PHACTR1: variants seen among roughly 807,000 people sequenced by gnomAD.
The protein encoded by PHACTR1 is phosphatase and actin regulator 1, also known as RPEL repeat containing 1.
PHACTR1 carries 16 observed loss-of-function variants against 69.2 expected under a neutral mutation model. That is an observed-to-expected ratio of 0.23 (90% CI 0.16 to 0.35). PHACTR1 has a LOEUF of 0.35. PHACTR1 is among the 10% of genes least tolerant of loss of function. The pLI is 1.00. For synonymous variants in PHACTR1, 312 were observed against 284.5 expected (o/e 1.10, Z -0.97); for missense variants, 510 against 734.7 (o/e 0.69, Z 3.54).
At chr6:13,065,009 C>T (rs1808411805) in intron 5 of PHACTR1, among the ~76,000 whole-genome samples, 1 of 151,982 alleles carries the variant, frequency 6.6e-6, no homozygotes, top group Non-Finnish European at 1.5e-5. Flanking sequence ...TTAACTTTTC[C>T]TCCACATTGT....
intron 5 of PHACTR1, among the ~76,000 whole-genome samples, chr6:13,159,145 C>A (rs1239138472): frequency 6.6e-6 from 1 of 152,216 alleles, no homozygotes; most frequent in Non-Finnish European, 1.5e-5. Flanking sequence ...GTTACCTCTT[C>A]CTTCCTCCAG....
At chr6:13,267,646 C>T (rs1776949957) in intron 10 of PHACTR1, 1 of 152,156 alleles carries the variant, frequency 6.6e-6, no homozygotes, top group Non-Finnish European at 1.5e-5. Flanking sequence ...TTACCTTGCA[C>T]ATTGTAATCA....
intron 4 of PHACTR1, among the ~76,000 whole-genome samples, chr6:12,903,698 T>A (rs886476629): frequency 7.2e-5 from 11 of 152,244 alleles, no homozygotes; most frequent in African/African-American, 2.7e-4. Flanking sequence ...GTAATAAATA[T>A]GTCTATGCCC....
intron 5 of PHACTR1, among the ~76,000 whole-genome samples, chr6:13,094,782 A>ATC (rs1491005807): frequency 6.6e-6 from 1 of 151,914 alleles, no homozygotes; most frequent in African/African-American, 2.4e-5. Flanking sequence ...CTATATATAT[A>ATC]TTACACTAAT....
intron 5 of PHACTR1, among the ~76,000 whole-genome samples, chr6:13,125,189 G>A (rs1163581680): frequency 6.6e-6 from 1 of 152,254 alleles, no homozygotes; most frequent in Non-Finnish European, 1.5e-5. Flanking sequence ...GAGGAGTGGA[G>A]AAGCCAGGGA....
At chr6:13,171,428 G>T (rs188923303) in intron 6 of PHACTR1, among the ~76,000 whole-genome samples, 21 of 152,326 alleles carry the variant, frequency 1.4e-4, no homozygotes, top group African/African-American at 4.6e-4. Context: ...TAACCTCTCT[G>T]TTCCAGAAAT....
At chr6:13,217,432 A>G (rs1174638016) in intron 8 of PHACTR1, among the ~76,000 whole-genome samples, 1 of 152,222 alleles carries the variant, frequency 6.6e-6, no homozygotes, top group Non-Finnish European at 1.5e-5. Context: ...CAAGTAGAAA[A>G]GCCACCACTG....
chr6:12,921,823 A>AG (rs1787747290), intron 4 of PHACTR1, among the ~76,000 whole-genome samples: 1 of 3,656 alleles, frequency 2.7e-4, no homozygotes, highest in African/African-American at 5.9e-4. Flanking sequence ...AGCAAGGGGG[A>AG]AGGAAGGAAG....
At chr6:12,916,773 T>C (rs1357052481) in intron 4 of PHACTR1, among the ~76,000 whole-genome samples, 2 of 152,216 alleles carry the variant, frequency 1.3e-5, no homozygotes, top group Non-Finnish European at 2.9e-5. Context: ...TCTTCCAATA[T>C]GTGCACCCTT....
chr6:13,076,588 C>T (rs1267208028), intron 5 of PHACTR1, among the ~76,000 whole-genome samples: 1 of 152,014 alleles, frequency 6.6e-6, no homozygotes, highest in Non-Finnish European at 1.5e-5. Context: ...AGAATTAGGC[C>T]CTTGGTTACA....
chr6:13,220,941 C>T (rs780517945), intron 8 of PHACTR1, among the ~76,000 whole-genome samples: 5 of 152,020 alleles, frequency 3.3e-5, no homozygotes, highest in Admixed American at 1.3e-4. Context: ...AGTTAATTGG[C>T]GTGGGGGGTA....
In PHACTR1 at chr6:13,275,535, G is replaced by A. The variant is rs772006102; in HGVS notation, c.1447+2620G>A. 1 of 152,100 alleles carries A rather than the reference G, an allele frequency of 6.6e-6. No individual in the cohort carries two copies. Among genetic ancestry groups the A allele is most frequent in the African/African-American group, 2.4e-5 (1 of 41,406 alleles). The allele number at this position is 152,100 out of a possible 1,614,324, so 9.4% of individuals were successfully genotyped here. ...TGTGTCACAGGATGCCCGCCTTCACGGCTCTGAAGGGACCTGTAGGATCAG... is the reference window on the plus strand; with the variant it reads ...TGTGTCACAGGATGCCCGCCTTCACAGCTCTGAAGGGACCTGTAGGATCAG... On this transcript the variant is annotated intron_variant, in intron 11 of 14. Transcript: ENST00000332995. This position sits in a 1 kb window ranked among gnomAD's most constrained non-coding sequence, Gnocchi z 4.0.
chr6:13,135,107 T>C (rs1821345525), intron 5 of PHACTR1, among the ~76,000 whole-genome samples: 1 of 152,230 alleles, frequency 6.6e-6, no homozygotes, highest in Non-Finnish European at 1.5e-5. Flanking sequence ...GACTGCGTTT[T>C]ATTGGAAATT....
At position 12,887,773 on chromosome 6, in the gene PHACTR1, A is replaced by G. The variant is rs1222847241; in HGVS notation, c.250+137983A>G. ...AGTTATGGGTTGAAACTTAATCTCT[A>G]TCATAGTAGTATTGGCCAGGCACGG... On this transcript the variant is annotated intron_variant, in intron 4 of 14. Coordinates refer to ENST00000332995, the MANE Select transcript of PHACTR1 (RefSeq NM_030948.6). Among the ~76,000 whole-genome samples the G allele has an allele frequency of 3.9e-5, 6 of 152,076 alleles. No individual in the cohort carries two copies. In the East Asian group the frequency reaches 1.2e-3, roughly 29 times the overall value.
At chr6:12,870,147 C>G (rs1781884023) in intron 4 of PHACTR1, among the ~76,000 whole-genome samples, 2 of 151,982 alleles carry the variant, frequency 1.3e-5, no homozygotes, top group Non-Finnish European at 2.9e-5. Context: ...TCCAATGCTT[C>G]CCCTGTATCA....
intron 5 of PHACTR1, among the ~76,000 whole-genome samples, chr6:13,090,840 T>A (rs1049432669): frequency 3.3e-5 from 5 of 152,204 alleles, no homozygotes; most frequent in African/African-American, 1.2e-4. Flanking sequence ...AAGACAACAT[T>A]TCTGCAGACT....
At chr6:12,836,776 A>G (rs1444648834) in intron 4 of PHACTR1, among the ~76,000 whole-genome samples, 1 of 152,172 alleles carries the variant, frequency 6.6e-6, no homozygotes, top group Non-Finnish European at 1.5e-5. Flanking sequence ...TTCCATAGAT[A>G]ACAACCTGAA....
At chr6:13,228,308 C>T (rs2127316368) in intron 9 of PHACTR1, among the ~76,000 whole-genome samples, 1 of 152,296 alleles carries the variant, frequency 6.6e-6, no homozygotes, top group Non-Finnish European at 1.5e-5. Flanking sequence ...ATTACTGCCA[C>T]CTCCTACCTC....
At chr6:13,203,262 G>A (rs994817889) in intron 7 of PHACTR1, among the ~76,000 whole-genome samples, 1 of 152,170 alleles carries the variant, frequency 6.6e-6, no homozygotes, top group African/African-American at 2.4e-5. Flanking sequence ...TGAACAAGAT[G>A]CTGAGGTTTG....
Sources: allele counts gnomAD v4.1 joint callset (sites outside exome capture counted in the v4.1 genomes callset), GRCh38; gene constraint gnomAD v4.1.1; non-coding constraint Gnocchi (gnomAD v3.1); transcripts MANE v1.5; gene names NCBI Gene and HGNC (gene_info 2026-07-23, HGNC 2026-07-21).